ULK4: variants seen among roughly 807,000 people sequenced by gnomAD.
The protein encoded by ULK4 is inactive serine/threonine-protein kinase ULK4.
A neutral mutation model predicts 160.6 loss-of-function variants in ULK4; 133 were observed. The ratio of observed to expected loss-of-function variants is 0.83; its 90% CI spans 0.72 to 0.96. The LOEUF is 0.96. Among genes scored for constraint, ULK4 ranks in the 40% least tolerant of loss-of-function variants. The probability of loss-of-function intolerance (pLI) is 0.00; values close to 1 mark genes in which losing one functional copy is unlikely to be tolerated. For synonymous variants in ULK4, 534 were observed against 539.8 expected (o/e 0.99, Z 0.15); for missense variants, 1,580 against 1,499.5 (o/e 1.05, Z -0.89).
chr3:41,919,996 A>T (rs1318900759), intron 5 of ULK4, among the ~76,000 whole-genome samples, 178 bp from the exon 6 acceptor site: 1 of 152,126 alleles, frequency 6.6e-6, no homozygotes, highest in African/African-American at 2.4e-5. Flanking sequence ...ACATTTTGCA[A>T]AGGATGTGTG....
chr3:41,898,302 C>A, intron 14 of ULK4, 130 bp downstream of exon 14: 1 of 602,088 alleles, frequency 1.7e-6, no homozygotes, highest in Non-Finnish European at 2.9e-6. Context: ...TAACACTGCC[C>A]CAAGAATATA....
chr3:41,937,490 A>G (rs1699816397), intron 3 of ULK4: 1 of 563,742 alleles, frequency 1.8e-6, no homozygotes, highest in South Asian at 2.4e-5. Flanking sequence ...TACTCAATGT[A>G]TAAACAGAAG....
intron 8 of ULK4, among the ~76,000 whole-genome samples, chr3:41,914,179 C>T (rs983534640): frequency 6.6e-6 from 1 of 152,038 alleles, no homozygotes; most frequent in Non-Finnish European, 1.5e-5. Context: ...GAAAATTAAG[C>T]CTGACTGAAA....
chr3:41,403,514 T>A (rs1411137592), intron 34 of ULK4, among the ~76,000 whole-genome samples: 1 of 152,176 alleles, frequency 6.6e-6, no homozygotes, highest in Non-Finnish European at 1.5e-5. Context: ...GTTTTTCAAT[T>A]GTACTGATTT....
intron 2 of ULK4, among the ~76,000 whole-genome samples, chr3:41,947,459 A>T (rs1322472930): frequency 6.6e-6 from 1 of 151,850 alleles, no homozygotes; most frequent in Non-Finnish European, 1.5e-5. Context: ...ATGAAGTCAA[A>T]CTCTTCCTTA....
chr3:41,689,420 A>G (rs1004363952), intron 27 of ULK4, among the ~76,000 whole-genome samples: 1 of 152,208 alleles, frequency 6.6e-6, no homozygotes, highest in African/African-American at 2.4e-5. Context: ...ATTGAAGTAT[A>G]TCTGTTTTTA....
At position 41,369,793 on chromosome 3, in the gene ULK4, C is replaced by CAAAA. The variant is rs555783980; in HGVS notation, c.3678+28282_3678+28285dup. Among the ~76,000 whole-genome samples, 690 of 98,020 alleles carry CAAAA rather than the reference C, an allele frequency of 7.0e-3. 7 individuals are homozygous for CAAAA. The highest frequency in any genetic ancestry group is 0.024 in the African/African-American group (658 of 27,958). The allele number at this position is 98,020 out of a possible 152,430, so 64.3% of individuals were successfully genotyped here. On this transcript the variant is annotated intron_variant, in intron 35 of 36. Coordinates refer to ENST00000301831, the MANE Select transcript of ULK4 (RefSeq NM_017886.4). ...TGGGTGACAGAGTGAGACTATGTCT[C>CAAAA]AAAAAAAAAAAAAAAAATCTCATTT... is the stretch of plus-strand genomic sequence containing the variant.
At chr3:41,683,672 C>T (rs766664613) in intron 27 of ULK4, among the ~76,000 whole-genome samples, 12 of 151,842 alleles carry the variant, frequency 7.9e-5, no homozygotes, top group South Asian at 2.1e-4. Context: ...TTAATTGACT[C>T]AGTCTGAAGA....
chr3:41,768,584 A>T (rs1220294538), intron 21 of ULK4, among the ~76,000 whole-genome samples: 1 of 152,156 alleles, frequency 6.6e-6, no homozygotes, highest in African/African-American at 2.4e-5. Context: ...GCCTCAGCTG[A>T]GTTCTCAGCA....
At chr3:41,669,257 G>A (rs928427293) in intron 29 of ULK4, among the ~76,000 whole-genome samples, 16 of 151,988 alleles carry the variant, frequency 1.1e-4, no homozygotes, top group South Asian at 4.1e-4. Context: ...TTTAAGGGTC[G>A]GGGGGAGAGA....
At chr3:41,647,092 G>C (rs75315452) in intron 30 of ULK4, among the ~76,000 whole-genome samples, 1 of 151,788 alleles carries the variant, frequency 6.6e-6, no homozygotes, top group Non-Finnish European at 1.5e-5. Context: ...TTATACATTC[G>C]TCTAAATTTT....
At chr3:41,939,567 A>G (rs966187818) in intron 2 of ULK4, among the ~76,000 whole-genome samples, 2 of 142,658 alleles carry the variant, frequency 1.4e-5, no homozygotes, top group African/African-American at 5.0e-5. Flanking sequence ...TTTATATTTA[A>G]AAGAACTCTC....
chr3:41,702,174 T>C (rs979579667), intron 27 of ULK4, among the ~76,000 whole-genome samples: 2 of 152,180 alleles, frequency 1.3e-5, no homozygotes, highest in Non-Finnish European at 2.9e-5. Context: ...TATTTATTTA[T>C]TTTGAAATAG....
chr3:41,638,370 T>A (rs2034046524), intron 30 of ULK4, among the ~76,000 whole-genome samples: 1 of 152,158 alleles, frequency 6.6e-6, no homozygotes, highest in Admixed American at 6.6e-5. Context: ...TGACCATTTG[T>A]TTATCCTGTA....
intron 25 of ULK4, among the ~76,000 whole-genome samples, chr3:41,706,827 C>CA (rs1156423434): frequency 0.01 from 606 of 58,142 alleles, 22 homozygotes; most frequent in Admixed American, 0.069. Context: ...GACTCTGTCT[C>CA]AAAAAAAAAA....
At chr3:41,472,744 G>A (rs1008452073) in intron 32 of ULK4, among the ~76,000 whole-genome samples, 1 of 151,982 alleles carries the variant, frequency 6.6e-6, no homozygotes, top group African/African-American at 2.4e-5. Flanking sequence ...AAAATCGAAG[G>A]GGAAATAATA....
intron 32 of ULK4, among the ~76,000 whole-genome samples, chr3:41,504,249 T>A (rs1003772081): frequency 6.6e-6 from 1 of 152,140 alleles, no homozygotes; most frequent in African/African-American, 2.4e-5. Context: ...TGCTAACTGT[T>A]TGTGTCAACA....
intron 31 of ULK4, among the ~76,000 whole-genome samples, chr3:41,584,072 T>C (rs2030595418): frequency 6.6e-6 from 1 of 152,192 alleles, no homozygotes; most frequent in African/African-American, 2.4e-5. Context: ...CAAATCTTGA[T>C]TGAGTCTATT....
chr3:41,593,481 T>C (rs910490213), intron 31 of ULK4, among the ~76,000 whole-genome samples: 2 of 152,196 alleles, frequency 1.3e-5, no homozygotes, highest in Admixed American at 1.3e-4. Flanking sequence ...ACTGGAGTTA[T>C]TTAACCAAAC....
Sources: gnomAD v4.1 joint callset for allele counts (sites outside exome capture counted in the v4.1 genomes callset) on GRCh38, gnomAD v4.1.1 for gene constraint, MANE v1.5 for transcripts, NCBI Gene and HGNC (gene_info 2026-07-23, HGNC 2026-07-21) for gene names.